CYSLTR2: variants seen among roughly 807,000 people sequenced by gnomAD.
CYSLTR2 encodes the protein cysteinyl leukotriene receptor 2, also known as G-protein coupled receptor GPCR21.
For missense variants in CYSLTR2, 398 were observed against 411.9 expected (o/e 0.97, Z 0.29); for synonymous variants, 179 against 160.8 (o/e 1.11, Z -0.86).
chr13:48,656,579 C>T (rs1007472400), intron 1 of CYSLTR2, among the ~76,000 whole-genome samples: 1 of 152,174 alleles, frequency 6.6e-6, no homozygotes, highest in Non-Finnish European at 1.5e-5. Flanking sequence ...CTCCTATCCA[C>T]CTGGGATCAC....
At chr13:48,668,091 A>G (rs749931233) in intron 1 of CYSLTR2, among the ~76,000 whole-genome samples, 12 of 152,140 alleles carry the variant, frequency 7.9e-5, no homozygotes, top group Non-Finnish European at 1.8e-4. Context: ...GGGTATGCAA[A>G]ATCAGTAGAA....
At position 48,696,567 on chromosome 13, in the gene CYSLTR2, A is replaced by G. The variant is rs9568083; in HGVS notation, c.-61A>G. On this transcript the variant is annotated 5_prime_UTR_variant, in exon 4 of 5. Transcript: ENST00000682523. ...AGATGGCTGAATAGGAAGAGCTCCA[A>G]TCTGCAGATCCCAGTGTGAGCAACG... 63,730 of 152,034 alleles carry G rather than the reference A, an allele frequency of 0.42. 13,591 individuals are homozygous for G. The highest frequency in any genetic ancestry group is 0.5 in the South Asian group (2,401 of 4,816). The allele number at this position is 152,034 out of a possible 1,614,324, so 9.4% of individuals were successfully genotyped here.
In CYSLTR2 at chr13:48,706,914, A is replaced by G; in HGVS notation, c.97A>G (p.Ile33Val). Residue 33 changes from isoleucine (I) to valine (V), a missense_variant, in exon 5 of 5, where the codon ATT (isoleucine) becomes GTT (valine). By Grantham distance (29) the Ile-to-Val change is conservative. Coordinates refer to ENST00000682523, the MANE Select transcript of CYSLTR2 (RefSeq NM_001308476.3). ...CAATAACAACAGCAGGAACTGCACA[A>G]TTGAAAACTTCAAGAGAGAATTTTT... is the stretch of plus-strand genomic sequence containing the variant. Reference protein sequence around the residue: ...FSNNNSRNCTIENFKREFFPI... With the variant: ...FSNNNSRNCTVENFKREFFPI... 6.2e-7 allele frequency: 1 copy of G among 1,614,240 alleles called. No homozygotes were observed. Among genetic ancestry groups the G allele is most frequent in the Non-Finnish European group, 8.5e-7 (1 of 1,180,034 alleles).
intron 1 of CYSLTR2, among the ~76,000 whole-genome samples, chr13:48,654,890 C>T (rs1480258114): frequency 6.6e-6 from 1 of 152,066 alleles, no homozygotes; most frequent in Non-Finnish European, 1.5e-5. Context: ...AAACAGATGA[C>T]CTAGGTCATT....
chr13:48,700,894 C>T (rs1188049540), intron 4 of CYSLTR2, among the ~76,000 whole-genome samples: 3 of 152,184 alleles, frequency 2.0e-5, no homozygotes, highest in East Asian at 1.9e-4. Flanking sequence ...CATGAATGAA[C>T]TCCCATTCAC....
intron 1 of CYSLTR2, among the ~76,000 whole-genome samples, chr13:48,678,978 T>C (rs1280270665): frequency 1.3e-5 from 2 of 152,172 alleles, no homozygotes; most frequent in Non-Finnish European, 2.9e-5. Context: ...CTCTCTAAAA[T>C]GCAGATCTGC....
chr13:48,694,657 T>A (rs1954121068), intron 3 of CYSLTR2: 1 of 151,070 alleles, frequency 6.6e-6, no homozygotes, highest in African/African-American at 2.4e-5. Flanking sequence ...ACTCCATTTT[T>A]GTCAATCCTT....
intron 4 of CYSLTR2, among the ~76,000 whole-genome samples, chr13:48,700,063 G>T (rs550087123): frequency 6.6e-6 from 1 of 152,196 alleles, no homozygotes; most frequent in Non-Finnish European, 1.5e-5. Flanking sequence ...GGACCAGATG[G>T]ATTCACAGCC....
intron 1 of CYSLTR2, among the ~76,000 whole-genome samples, chr13:48,689,780 AAT>A (rs1248634222): frequency 6.6e-6 from 1 of 151,962 alleles, no homozygotes; most frequent in Non-Finnish European, 1.5e-5. Flanking sequence ...TTTTTTTTCT[AAT>A]TCTGCAAAGA....
intron 1 of CYSLTR2, among the ~76,000 whole-genome samples, chr13:48,666,829 C>T (rs566954192): frequency 4.1e-4 from 62 of 152,166 alleles, no homozygotes; most frequent in African/African-American, 1.4e-3. Context: ...AATTGTCTAT[C>T]TGTATTCTCT....
intron 1 of CYSLTR2, among the ~76,000 whole-genome samples, chr13:48,680,820 T>A (rs564986704): frequency 1.4e-5 from 2 of 140,868 alleles, no homozygotes; most frequent in East Asian, 4.0e-4. Context: ...TTTTTTTTTT[T>A]GCAGTCTAGT....
In CYSLTR2 at chr13:48,666,637, T is replaced by G. The variant is rs190854969; in HGVS notation, c.-266+12620T>G. Among the ~76,000 whole-genome samples the G allele has an allele frequency of 4.3e-3, 660 of 152,318 alleles. 3 individuals carry two copies. Among genetic ancestry groups the G allele is most frequent in the Non-Finnish European group, 6.5e-3 (439 of 68,024 alleles). ...TCTGCCTGTGTTATTTCAAAAGACC[T>G]GTCTTCGTGCTTAGAAATTCTTTCT... On this transcript the variant is annotated intron_variant, in intron 1 of 4. Coordinates refer to ENST00000682523, the MANE Select transcript of CYSLTR2 (RefSeq NM_001308476.3).
intron 1 of CYSLTR2, among the ~76,000 whole-genome samples, chr13:48,671,832 G>T (rs2407247): frequency 0.32 from 49,139 of 151,836 alleles, 7,994 homozygotes; most frequent in South Asian, 0.37. Context: ...CTATTTTTTG[G>T]AACAGTTTCA....
At chr13:48,662,081 G>T (rs1215477874) in intron 1 of CYSLTR2, among the ~76,000 whole-genome samples, 1 of 152,078 alleles carries the variant, frequency 6.6e-6, no homozygotes, top group East Asian at 1.9e-4. Flanking sequence ...TTCCACATAT[G>T]AGTGAGAACA....
chr13:48,707,716 T>C lies in CYSLTR2; in HGVS notation c.899T>C (p.Phe300Ser). The change falls in exon 5 of 5, where the codon TTC (phenylalanine) becomes TCC (serine). Residue 300 changes from phenylalanine to serine, a missense_variant. By Grantham distance (155) the Phe-to-Ser change is radical (BLOSUM62 -2). Transcript: ENST00000682523. ...TLALAAANAC[F>S]NPLLYYFAGE... ...GCCTTGGCAGCAGCCAATGCCTGCTTCAATCCTCTGCTCTATTACTTTGCT... is the reference window on the plus strand; with the variant it reads ...GCCTTGGCAGCAGCCAATGCCTGCTCCAATCCTCTGCTCTATTACTTTGCT... 1 of 1,613,250 alleles carries C rather than the reference T, an allele frequency of 6.2e-7. No homozygotes were observed. Among genetic ancestry groups the C allele is most frequent in the Non-Finnish European group, 8.5e-7 (1 of 1,179,322 alleles).
intron 1 of CYSLTR2, among the ~76,000 whole-genome samples, chr13:48,662,454 A>G (rs1232838103): frequency 1.3e-5 from 2 of 152,172 alleles, no homozygotes; most frequent in South Asian, 2.1e-4. Flanking sequence ...TGGTGGCTAT[A>G]CTACTTTACA....
Position 48,707,835 on chromosome 13 carries a change from T to G in CYSLTR2, c.1018T>G (p.Leu340Val). Residue 340 changes from leucine (L) to valine (V), a missense_variant, in exon 5 of 5, where the codon TTG becomes GTG. Leu to Val is a conservative substitution (Grantham distance 32). Transcript: ENST00000682523. The stretch of plus-strand genomic sequence containing the variant: ...GTGTGTTTTCCCTGTTAGTGTGTGG[T>G]TGAGAAAGGAAACAAGAGTATAAGG... ...TKCVFPVSVW[L>V]RKETRV The G allele has an allele frequency of 6.5e-7, 1 of 1,527,714 alleles. No homozygotes were observed. The highest frequency in any genetic ancestry group is 8.8e-7 in the Non-Finnish European group (1 of 1,139,850). 94.6% of individuals were successfully genotyped at this position (1,527,714 alleles called of 1,614,324 possible).
At chr13:48,660,672 T>G (rs1440224727) in intron 1 of CYSLTR2, among the ~76,000 whole-genome samples, 1 of 152,142 alleles carries the variant, frequency 6.6e-6, no homozygotes, top group Non-Finnish European at 1.5e-5. Flanking sequence ...AGAACTTAAT[T>G]CACCTTGACT....
chr13:48,679,652 A>G (rs74966850), intron 1 of CYSLTR2, among the ~76,000 whole-genome samples: 5,478 of 152,314 alleles, frequency 0.036, 126 homozygotes, highest in Middle Eastern at 0.099. Flanking sequence ...AGTTAATAGC[A>G]TAAGGAGCAT....
Sources: gnomAD v4.1 joint callset for allele counts (sites outside exome capture counted in the v4.1 genomes callset) on GRCh38, gnomAD v4.1.1 for gene constraint, MANE v1.5 for transcripts, NCBI Gene and HGNC (gene_info 2026-07-23, HGNC 2026-07-21) for gene names.